Variants in CDH18 observed in about 807,000 individuals in gnomAD.
CDH18 encodes the protein cadherin 18, also known as cadherin-18.
CDH18 carries 31 observed loss-of-function variants against 67.9 expected under a neutral mutation model. The observed-to-expected ratio is 0.46, with a 90% CI of 0.34 to 0.62. The LOEUF is 0.62. Among genes scored for constraint, CDH18 ranks in the 20% least tolerant of loss-of-function variants. CDH18 has a pLI of 0.01. For synonymous variants in CDH18, 362 were observed against 347.2 expected, an observed-to-expected ratio of 1.04 and a Z score of -0.48; for missense variants, 890 against 975.5, an observed-to-expected ratio of 0.91 and a Z score of 1.17.
intron 2 of CDH18, among the ~76,000 whole-genome samples, chr5:20,108,357 G>A (rs577780708): frequency 6.6e-6 from 1 of 152,118 alleles, no homozygotes; most frequent in East Asian, 1.9e-4. Flanking sequence ...TTTCCAAAGT[G>A]CTAAGATTAC....
chr5:20,138,586 T>A (rs1229803508), intron 2 of CDH18, among the ~76,000 whole-genome samples: 1 of 152,100 alleles, frequency 6.6e-6, no homozygotes, highest in Non-Finnish European at 1.5e-5. Flanking sequence ...GCCCAAAATC[T>A]CCTTAAGCTG....
intron 2 of CDH18, among the ~76,000 whole-genome samples, chr5:20,185,947 AGAAT>A (rs1738066542): frequency 1.3e-5 from 2 of 152,010 alleles, no homozygotes; most frequent in African/African-American, 2.4e-5. Context: ...TCTGAAGAAG[AGAAT>A]GAATGAAGTA....
Position 20,188,848 on chromosome 5 carries a change from C to A in CDH18, c.-518+66596G>T, listed in dbSNP as rs376771457. Among the ~76,000 whole-genome samples the A allele has an allele frequency of 4.6e-3, 577 of 124,782 alleles. 1 individual carries two copies. Among genetic ancestry groups the A allele is most frequent in the Non-Finnish European group, 5.0e-3 (303 of 60,438 alleles). 81.9% of individuals were successfully genotyped at this position (124,782 alleles called of 152,430 possible). On this transcript the variant is annotated intron_variant, in intron 2 of 14. Transcript: ENST00000507958. Reference sequence around the variant, plus strand: ...AAAGTCCCTTAACTTATTTTCTAGGCAAAAAAAAAAAAAAATCCACTCTCT... The same window carrying A: ...AAAGTCCCTTAACTTATTTTCTAGGAAAAAAAAAAAAAAAATCCACTCTCT...
intron 2 of CDH18, among the ~76,000 whole-genome samples, chr5:20,209,173 C>T (rs761563331): frequency 2.6e-5 from 4 of 151,888 alleles, no homozygotes; most frequent in Admixed American, 2.0e-4. Context: ...TGAGTACAAC[C>T]GTTATGAAAA....
chr5:19,612,689 T>G, intron 5 of CDH18, 88 bp from the exon 6 acceptor site: 1 of 997,560 alleles, frequency 1.0e-6, no homozygotes, highest in South Asian at 1.6e-5. Flanking sequence ...AAGAAATGTC[T>G]TTTAAAATAG....
chr5:19,975,006 C>T (rs1163826036), intron 2 of CDH18, among the ~76,000 whole-genome samples: 1 of 152,058 alleles, frequency 6.6e-6, no homozygotes, highest in Non-Finnish European at 1.5e-5. Flanking sequence ...TACCTACACT[C>T]CTGTGCAGTA....
At chr5:20,430,929 G>C (rs1014571285) in intron 1 of CDH18, among the ~76,000 whole-genome samples, 1 of 152,006 alleles carries the variant, frequency 6.6e-6, no homozygotes. Context: ...TAAATGTTAC[G>C]AAAATGTTTT....
intron 2 of CDH18, among the ~76,000 whole-genome samples, chr5:20,166,575 C>T (rs191017568): frequency 6.6e-6 from 1 of 152,208 alleles, no homozygotes; most frequent in East Asian, 1.9e-4. Flanking sequence ...AGAGTCACCT[C>T]GAAAGCATGA....
intron 1 of CDH18, among the ~76,000 whole-genome samples, chr5:20,437,839 T>A (rs934592120): frequency 6.6e-6 from 1 of 151,390 alleles, no homozygotes; most frequent in African/African-American, 2.4e-5. Context: ...AAAAGTAATA[T>A]GTATTAGAAA....
chr5:19,905,167 T>A (rs746577946), intron 2 of CDH18, among the ~76,000 whole-genome samples: 10 of 152,126 alleles, frequency 6.6e-5, no homozygotes, highest in Non-Finnish European at 1.3e-4. Context: ...AAGTTAGAAA[T>A]TGGAAACTGT....
At chr5:20,492,041 ATTTC>A (rs1581102005) in intron 1 of CDH18, among the ~76,000 whole-genome samples, 1 of 152,044 alleles carries the variant, frequency 6.6e-6, no homozygotes, top group Non-Finnish European at 1.5e-5. Flanking sequence ...TACAGATTGT[ATTTC>A]TTTCTGCTGC....
intron 2 of CDH18, among the ~76,000 whole-genome samples, chr5:19,927,066 A>G (rs1392793230): frequency 6.6e-6 from 1 of 152,178 alleles, no homozygotes; most frequent in African/African-American, 2.4e-5. Flanking sequence ...GAATTTTTAC[A>G]TTAAGTACTT....
intron 2 of CDH18, among the ~76,000 whole-genome samples, chr5:20,126,251 A>G (rs1748810429): frequency 6.6e-6 from 1 of 152,224 alleles, no homozygotes; most frequent in African/African-American, 2.4e-5. Context: ...GGAAAAGTGC[A>G]TATTGTGGTG....
chr5:20,385,316 CT>C (rs1744228068), intron 1 of CDH18, among the ~76,000 whole-genome samples: 1 of 152,152 alleles, frequency 6.6e-6, no homozygotes. Context: ...GCCAAGCACC[CT>C]TTTGAAAATC....
At chr5:19,726,235 T>A (rs1048282850) in intron 4 of CDH18, among the ~76,000 whole-genome samples, 1 of 152,130 alleles carries the variant, frequency 6.6e-6, no homozygotes, top group South Asian at 2.1e-4. Flanking sequence ...TGATACTGAG[T>A]AAGTGATTGT....
chr5:19,844,099 TTTGAG>T (rs779798425), intron 2 of CDH18, among the ~76,000 whole-genome samples: 2 of 152,086 alleles, frequency 1.3e-5, no homozygotes, highest in African/African-American at 2.4e-5. Context: ...GACTTGGACA[TTTGAG>T]TTAATTCTGG....
chr5:19,523,657 A>G (rs1747288424), intron 9 of CDH18, among the ~76,000 whole-genome samples: 1 of 152,148 alleles, frequency 6.6e-6, no homozygotes, highest in South Asian at 2.1e-4. Flanking sequence ...CACAATACTA[A>G]GAAGTTTGGC....
chr5:19,692,838 A>G (rs918640361), intron 5 of CDH18, among the ~76,000 whole-genome samples: 1 of 151,960 alleles, frequency 6.6e-6, no homozygotes, highest in Admixed American at 6.6e-5. Flanking sequence ...CCCAGAAAAA[A>G]AAAACTTAAA....
intron 1 of CDH18, among the ~76,000 whole-genome samples, chr5:20,487,802 A>T (rs890867784): frequency 3.9e-5 from 6 of 151,940 alleles, no homozygotes; most frequent in African/African-American, 1.2e-4. Flanking sequence ...AGTATTATTA[A>T]ATAGTACACA....
Sources: gnomAD v4.1 joint callset for allele counts (sites outside exome capture counted in the v4.1 genomes callset) on GRCh38, gnomAD v4.1.1 for gene constraint, MANE v1.5 for transcripts, NCBI Gene and HGNC (gene_info 2026-07-23, HGNC 2026-07-21) for gene names.